Variants in EPHA6 observed in about 807,000 individuals in gnomAD.
EPHA6 encodes the protein ephrin type-A receptor 6.
EPHA6 carries 50 observed loss-of-function variants against 112.0 expected under a neutral mutation model. That is an observed-to-expected ratio of 0.45 (90% CI 0.36 to 0.56). The LOEUF is 0.56. Among genes scored for constraint, EPHA6 ranks in the 20% least tolerant of loss-of-function variants. The pLI is 0.00. For missense variants in EPHA6, 1,280 were observed against 1,417.4 expected (o/e 0.90, Z 1.56); for synonymous variants, 529 against 490.7 (o/e 1.08, Z -1.03).
Position 97,091,320 on chromosome 3 carries a change from C to T in EPHA6, c.1114+103327C>T, listed in dbSNP as rs143817046. ...AAACTAACTGGAAACAATATTAAGA[C>T]CTACTATGGATCAGAGTCTCAATAA... On this transcript the variant is annotated intron_variant, in intron 3 of 17. Transcript: ENST00000389672. 2.4e-3 allele frequency among the ~76,000 whole-genome samples: 369 copies of T among 152,186 alleles called. 2 individuals are homozygous for T. The highest frequency in any genetic ancestry group is 8.2e-3 in the African/African-American group (339 of 41,552).
At chr3:97,429,132 T>C (rs2089344120) in intron 6 of EPHA6, among the ~76,000 whole-genome samples, 1 of 152,164 alleles carries the variant, frequency 6.6e-6, no homozygotes, top group Non-Finnish European at 1.5e-5. Context: ...TTCTTGGTAA[T>C]AGTGTTCCAA....
At chr3:97,171,725 C>A (rs1457110471) in intron 3 of EPHA6, among the ~76,000 whole-genome samples, 1 of 151,762 alleles carries the variant, frequency 6.6e-6, no homozygotes, top group Non-Finnish European at 1.5e-5. Context: ...CAATTAGAGA[C>A]ATAATAAGCT....
intron 10 of EPHA6, among the ~76,000 whole-genome samples, chr3:97,505,096 T>A (rs2092213983): frequency 6.6e-6 from 1 of 152,212 alleles, no homozygotes; most frequent in Non-Finnish European, 1.5e-5. Context: ...CATAGGTGTG[T>A]CCACCAAGTA....
intron 3 of EPHA6, among the ~76,000 whole-genome samples, chr3:97,119,600 A>G (rs2047986822): frequency 6.6e-6 from 1 of 152,012 alleles, no homozygotes; most frequent in Non-Finnish European, 1.5e-5. Context: ...AAGAAATGGA[A>G]TTGGAGAAGA....
chr3:96,824,963 A>C (rs1187291833), intron 1 of EPHA6, among the ~76,000 whole-genome samples: 1 of 151,936 alleles, frequency 6.6e-6, no homozygotes, highest in Admixed American at 6.6e-5. Context: ...TATAAGATGG[A>C]TAAAATGAAG....
At chr3:97,637,740 T>C (rs1576158234) in intron 13 of EPHA6, 133 bp from the exon 14 acceptor site, 2 of 654,464 alleles carry the variant, frequency 3.1e-6, no homozygotes, top group South Asian at 2.1e-5. Context: ...CTTATGAATA[T>C]AGTCAGTGAT....
At chr3:96,851,965 A>T (rs1410211712) in intron 1 of EPHA6, among the ~76,000 whole-genome samples, 1 of 152,130 alleles carries the variant, frequency 6.6e-6, no homozygotes, top group African/African-American at 2.4e-5. Context: ...CTTTAAGAGA[A>T]ATGTAGGGAA....
intron 2 of EPHA6, among the ~76,000 whole-genome samples, chr3:96,903,518 G>A (rs976320598): frequency 3.9e-5 from 6 of 152,092 alleles, no homozygotes; most frequent in African/African-American, 1.4e-4. Context: ...GGACAGTTGA[G>A]TTTCTGTTAC....
At chr3:97,387,485 C>T (rs2086140731) in intron 5 of EPHA6, among the ~76,000 whole-genome samples, 1 of 152,082 alleles carries the variant, frequency 6.6e-6, no homozygotes, top group South Asian at 2.1e-4. Context: ...TGCTGCAATT[C>T]TCTTTGCCAA....
intron 11 of EPHA6, among the ~76,000 whole-genome samples, chr3:97,555,926 G>A (rs1262625864): frequency 6.6e-6 from 1 of 151,996 alleles, no homozygotes; most frequent in East Asian, 1.9e-4. Flanking sequence ...AAGCTCTTTA[G>A]TTTAATTAAA....
chr3:97,336,508 GTC>G (rs2083062633), intron 5 of EPHA6, among the ~76,000 whole-genome samples: 1 of 152,150 alleles, frequency 6.6e-6, no homozygotes, highest in Non-Finnish European at 1.5e-5. Flanking sequence ...CATGAAATGT[GTC>G]TCAGATTTTA....
intron 3 of EPHA6, among the ~76,000 whole-genome samples, chr3:97,136,373 A>T (rs1354464374): frequency 6.6e-6 from 1 of 152,172 alleles, no homozygotes; most frequent in East Asian, 1.9e-4. Flanking sequence ...AAATAAAAAG[A>T]TAAAACTCAA....
At chr3:97,400,208 T>G (rs2086914400) in intron 5 of EPHA6, among the ~76,000 whole-genome samples, 1 of 151,372 alleles carries the variant, frequency 6.6e-6, no homozygotes, top group South Asian at 2.1e-4. Flanking sequence ...CAAAAACATA[T>G]ATTGAGGAAA....
intron 5 of EPHA6, among the ~76,000 whole-genome samples, chr3:97,281,975 G>A (rs761299056): frequency 6.6e-6 from 1 of 152,154 alleles, no homozygotes; most frequent in Non-Finnish European, 1.5e-5. Context: ...CACATAATAA[G>A]TGTTCAGTAT....
intron 6 of EPHA6, among the ~76,000 whole-genome samples, chr3:97,440,957 A>G (rs2090106612): frequency 6.6e-6 from 1 of 151,980 alleles, no homozygotes; most frequent in Non-Finnish European, 1.5e-5. Context: ...AAAACTGAAT[A>G]AGGAGAAGAT....
intron 2 of EPHA6, among the ~76,000 whole-genome samples, chr3:96,944,399 T>G (rs1158823177): frequency 6.6e-6 from 1 of 152,132 alleles, no homozygotes; most frequent in African/African-American, 2.4e-5. Flanking sequence ...AGTATTATCA[T>G]ATATGGTCCA....
At chr3:97,309,055 T>C (rs2081439049) in intron 5 of EPHA6, among the ~76,000 whole-genome samples, 1 of 151,766 alleles carries the variant, frequency 6.6e-6, no homozygotes, top group Admixed American at 6.6e-5. Flanking sequence ...AACATATCCT[T>C]GAATGATTGA....
At chr3:97,255,633 T>C (rs950303210) in intron 5 of EPHA6, among the ~76,000 whole-genome samples, 3 of 152,182 alleles carry the variant, frequency 2.0e-5, no homozygotes, top group Non-Finnish European at 4.4e-5. Flanking sequence ...GCAGACATGC[T>C]CGAAAACATA....
At chr3:97,646,696 T>A (rs1384945868) in intron 14 of EPHA6, among the ~76,000 whole-genome samples, 1 of 152,154 alleles carries the variant, frequency 6.6e-6, no homozygotes, top group Non-Finnish European at 1.5e-5. Context: ...GCCCACTGCA[T>A]CCTGAGCTAC....
Sources: allele counts gnomAD v4.1 joint callset (sites outside exome capture counted in the v4.1 genomes callset), GRCh38; gene constraint gnomAD v4.1.1; transcripts MANE v1.5; gene names NCBI Gene and HGNC (gene_info 2026-07-23, HGNC 2026-07-21).